Variants in IPMK observed in about 807,000 individuals in gnomAD.
IPMK encodes inositol 1,3,4,6-tetrakisphosphate 5-kinase.
A neutral mutation model predicts 45.8 loss-of-function variants in IPMK; 17 were observed. The ratio of observed to expected loss-of-function variants is 0.37; its 90% CI spans 0.25 to 0.56. The LOEUF is 0.56. Among genes scored for constraint, IPMK ranks in the 20% least tolerant of loss-of-function variants. The pLI, the probability that IPMK is intolerant of heterozygous loss-of-function variation, is 0.79. For synonymous variants in IPMK, 180 were observed against 184.3 expected, an observed-to-expected ratio of 0.98 and a Z score of 0.19; for missense variants, 399 against 498.0, an observed-to-expected ratio of 0.80 and a Z score of 1.89.
chr10:58,237,018 A>G lies in IPMK; in HGVS notation c.276+711T>C, dbSNP rs540591862. 2.0e-5 allele frequency among the ~76,000 whole-genome samples: 3 copies of G among 152,282 alleles called. No homozygotes were observed. In the East Asian group the frequency reaches 5.8e-4, roughly 29 times the overall value. ...TTGAGCCTGGGAGGCAGAGGTTGCA[A>G]TGAATCAACATCATGCCACTGCACT... On this transcript the variant is annotated intron_variant, in intron 2 of 5. Transcript: ENST00000373935.
At chr10:58,203,648 G>T (rs1181504784) in intron 4 of IPMK, among the ~76,000 whole-genome samples, 2 of 151,900 alleles carry the variant, frequency 1.3e-5, no homozygotes, top group Non-Finnish European at 2.9e-5. Flanking sequence ...AGCAAAGAAA[G>T]TGGTTTCTTG....
At chr10:58,263,356 T>C (rs1839102230) in intron 1 of IPMK, among the ~76,000 whole-genome samples, 1 of 151,332 alleles carries the variant, frequency 6.6e-6, no homozygotes, top group Non-Finnish European at 1.5e-5. Context: ...AAACCCCGTC[T>C]CTACTAAAAA....
At chr10:58,210,116 G>A (rs1396021413) in intron 4 of IPMK, among the ~76,000 whole-genome samples, 1 of 152,106 alleles carries the variant, frequency 6.6e-6, no homozygotes, top group African/African-American at 2.4e-5. Context: ...CCACTGTGGG[G>A]GATGGGGGGT....
At chr10:58,201,459 C>T (rs560239699) in intron 4 of IPMK, among the ~76,000 whole-genome samples, 17 of 152,234 alleles carry the variant, frequency 1.1e-4, no homozygotes, top group Middle Eastern at 3.4e-3. Flanking sequence ...TGGGATGTCA[C>T]GAAGCACACG....
At chr10:58,224,250 AT>A (rs1179359201) in intron 3 of IPMK, among the ~76,000 whole-genome samples, 3 of 152,174 alleles carry the variant, frequency 2.0e-5, no homozygotes, top group African/African-American at 7.2e-5. Context: ...TAGAGATTAC[AT>A]TTTGAAAACT....
intron 1 of IPMK, among the ~76,000 whole-genome samples, chr10:58,245,526 C>T (rs1158718579): frequency 2.7e-5 from 4 of 149,974 alleles, no homozygotes; most frequent in South Asian, 2.1e-4. Context: ...GTAGGACAAT[C>T]GCTTGAACAC....
At chr10:58,220,025 T>C (rs1048715485) in intron 3 of IPMK, among the ~76,000 whole-genome samples, 2 of 152,202 alleles carry the variant, frequency 1.3e-5, no homozygotes, top group Non-Finnish European at 2.9e-5. Flanking sequence ...AACACCATCA[T>C]ACTTTGGGAA....
intron 1 of IPMK, among the ~76,000 whole-genome samples, chr10:58,246,409 C>T (rs1313380846): frequency 5.8e-5 from 8 of 138,048 alleles, no homozygotes; most frequent in African/African-American, 2.5e-4. Context: ...AACTATACTA[C>T]AAGGCTACAG....
chr10:58,259,110 T>C (rs1225534096), intron 1 of IPMK, among the ~76,000 whole-genome samples: 1 of 152,168 alleles, frequency 6.6e-6, no homozygotes, highest in Non-Finnish European at 1.5e-5. Context: ...ATGAAATACA[T>C]TTCTTAGTCC....
intron 4 of IPMK, among the ~76,000 whole-genome samples, chr10:58,213,270 C>CTGA (rs1186291748): frequency 6.6e-6 from 1 of 152,138 alleles, no homozygotes; most frequent in African/African-American, 2.4e-5. Context: ...GCAGAGCCTG[C>CTGA]TGATAAACAT....
At chr10:58,247,115 A>G (rs1838813394) in intron 1 of IPMK, among the ~76,000 whole-genome samples, 1 of 149,276 alleles carries the variant, frequency 6.7e-6, no homozygotes, top group Non-Finnish European at 1.5e-5. Flanking sequence ...AGACCATTTC[A>G]CACCAGTTAG....
At chr10:58,257,745 T>C (rs1415591749) in intron 1 of IPMK, among the ~76,000 whole-genome samples, 1 of 152,130 alleles carries the variant, frequency 6.6e-6, no homozygotes, top group African/African-American at 2.4e-5. Flanking sequence ...CATGCAATTA[T>C]TGCTCATAAG....
rs368987901 is a variant in IPMK, at chr10:58,220,022, T to A, written c.374-3705A>T. Among the ~76,000 whole-genome samples the A allele has an allele frequency of 8.5e-5, 13 of 152,292 alleles. No homozygotes were observed. In the East Asian group the frequency reaches 1.9e-3, roughly 23 times the overall value. On this transcript the variant is annotated intron_variant, in intron 3 of 5. Transcript: ENST00000373935. ...AGAAGTGGTCCCTTTGCCAACACCA[T>A]CATACTTTGGGAATCCAGCCCATGG... is the stretch of plus-strand genomic sequence containing the variant.
chr10:58,212,428 A>C (rs1325713062), intron 4 of IPMK: 1 of 164,266 alleles, frequency 6.1e-6, no homozygotes, highest in African/African-American at 2.4e-5. Context: ...TGAAAAGCTC[A>C]AGATGACATC....
intron 1 of IPMK, 31 bp downstream of exon 1, chr10:58,267,391 G>T: frequency 1.2e-6 from 2 of 1,608,002 alleles, no homozygotes; most frequent in Non-Finnish European, 1.7e-6. Flanking sequence ...GGCGGAAGGG[G>T]AGCGGCGAGA....
intron 4 of IPMK, among the ~76,000 whole-genome samples, chr10:58,214,314 G>A (rs938824293): frequency 6.6e-6 from 1 of 152,176 alleles, no homozygotes; most frequent in Non-Finnish European, 1.5e-5. Context: ...TAAGGCATGT[G>A]CATCTGTTAG....
chr10:58,222,769 T>C lies in IPMK; in HGVS notation c.373+4274A>G, dbSNP rs10047265. On this transcript the variant is annotated intron_variant, in intron 3 of 5. Coordinates refer to ENST00000373935, the MANE Select transcript of IPMK (RefSeq NM_152230.5). The stretch of plus-strand genomic sequence containing the variant: ...TGTTCAGAAATATAACACTTCCTGC[T>C]GTTTTAAGTAGACTACATAAGATCA... 3.7e-3 allele frequency among the ~76,000 whole-genome samples: 564 copies of C among 152,330 alleles called. 1 individual carries two copies. Among genetic ancestry groups the C allele is most frequent in the African/African-American group, 0.013 (524 of 41,578 alleles).
intron 4 of IPMK, among the ~76,000 whole-genome samples, chr10:58,206,383 A>T (rs1188070419): frequency 6.6e-6 from 1 of 152,222 alleles, no homozygotes; most frequent in East Asian, 1.9e-4. Context: ...GAATGTGGTA[A>T]TAGTTGCCCA....
chr10:58,234,652 T>C lies in IPMK; in HGVS notation c.276+3077A>G, dbSNP rs185442458. Reference sequence around the variant, plus strand: ...AACTGGATCCCTTCCTTACACCTTATACAAAAATTAATTCAAGATGGATTA... The same window carrying C: ...AACTGGATCCCTTCCTTACACCTTACACAAAAATTAATTCAAGATGGATTA... On this transcript the variant is annotated intron_variant, in intron 2 of 5. Coordinates refer to ENST00000373935, the MANE Select transcript of IPMK (RefSeq NM_152230.5). 1.9e-3 allele frequency among the ~76,000 whole-genome samples: 283 copies of C among 152,292 alleles called. 1 individual carries two copies. The highest frequency in any genetic ancestry group is 3.3e-3 in the Non-Finnish European group (222 of 68,032).
Sources: gnomAD v4.1 joint callset for allele counts (sites outside exome capture counted in the v4.1 genomes callset) on GRCh38, gnomAD v4.1.1 for gene constraint, MANE v1.5 for transcripts, NCBI Gene and HGNC (gene_info 2026-07-23, HGNC 2026-07-21) for gene names.